CHD1L: variants seen among roughly 807,000 people sequenced by gnomAD.
CHD1L encodes chromodomain helicase DNA binding protein 1 like, also known as ATP-dependent chromatin remodeler CHD1L.
CHD1L carries 118 observed loss-of-function variants against 115.9 expected under a neutral mutation model. That is an observed-to-expected ratio of 1.02 (90% CI 0.88 to 1.19). The LOEUF is 1.19. CHD1L is among the 50% of genes most tolerant of loss of function. The probability of loss-of-function intolerance (pLI) is 0.00; values close to 1 mark genes in which losing one functional copy is unlikely to be tolerated. For synonymous variants in CHD1L, 411 were observed against 387.1 expected (o/e 1.06, Z -0.72); for missense variants, 1,179 against 1,065.3 (o/e 1.11, Z -1.49).
chr1:147,272,394 T>C (rs1553954083), intron 12 of CHD1L, 113 bp downstream of exon 12: 6 of 748,556 alleles, frequency 8.0e-6, no homozygotes, highest in African/African-American at 5.3e-5. Context: ...GAGGTTACTA[T>C]TGAATGTAAA....
At chr1:147,283,715 A>G (rs1553963406) in intron 15 of CHD1L, among the ~76,000 whole-genome samples, 1 of 152,186 alleles carries the variant, frequency 6.6e-6, no homozygotes, top group Non-Finnish European at 1.5e-5. Context: ...CCACCCTTCT[A>G]GAGACCCAAT....
At chr1:147,280,216 A>T (rs1680295979) in intron 15 of CHD1L, 25 bp downstream of exon 15, 1 of 1,537,706 alleles carries the variant, frequency 6.5e-7, no homozygotes, top group East Asian at 2.3e-5. Context: ...AGAGCAGAGC[A>T]AATGGCACAA....
At chr1:147,204,383 C>CT in the CHD1L span, 1 of 1,063,462 alleles carries the variant, frequency 9.4e-7, no homozygotes, top group Non-Finnish European at 1.5e-6. Context: ...CATGCCTGAA[C>CT]AATAAGCTTG....
intron 15 of CHD1L, 87 bp downstream of exon 15, chr1:147,280,278 C>A: frequency 7.4e-7 from 1 of 1,351,270 alleles, no homozygotes; most frequent in Non-Finnish European, 9.9e-7. Flanking sequence ...ATGCTGCTCT[C>A]TGGGGCATCT....
At chr1:147,241,762 C>T (rs1264614177), upstream of CHD1L, among the ~76,000 whole-genome samples, 3 of 152,124 alleles carry the variant, frequency 2.0e-5, no homozygotes, top group Admixed American at 1.3e-4. Flanking sequence ...ACAAATTTAA[C>T]ATGAGTTTAC....
chr1:147,186,274 C>T, the CHD1L span: 1 of 967,980 alleles, frequency 1.0e-6, no homozygotes, highest in Non-Finnish European at 1.2e-6. Context: ...AAAGTAATTT[C>T]TTTATTGAGA....
the CHD1L span, among the ~76,000 whole-genome samples, chr1:147,193,664 A>G: frequency 6.6e-6 from 1 of 152,094 alleles, no homozygotes; most frequent in South Asian, 2.1e-4. Context: ...ATTTCCCTCT[A>G]CACACTGCTT....
chr1:147,287,765 G>GTGGA, intron 19 of CHD1L, 32 bp downstream of exon 19: 1 of 1,584,876 alleles, frequency 6.3e-7, no homozygotes. Context: ...AAGGTTAAGG[G>GTGGA]TGGAATAAGA....
At chr1:147,284,584 T>G (rs1682314302) in intron 16 of CHD1L, 85 bp downstream of exon 16, 1 of 1,234,206 alleles carries the variant, frequency 8.1e-7, no homozygotes, top group South Asian at 1.7e-5. Context: ...CATCGTTTTG[T>G]TCTCTTAGGA....
At chr1:147,214,476 A>AG in the CHD1L span, among the ~76,000 whole-genome samples, 2 of 150,758 alleles carry the variant, frequency 1.3e-5, no homozygotes, top group South Asian at 2.1e-4. Flanking sequence ...CAAAAAAAAA[A>AG]AGAGAGACAA....
At chr1:147,275,880 T>C (rs587666920) in intron 13 of CHD1L, among the ~76,000 whole-genome samples, 1 of 152,266 alleles carries the variant, frequency 6.6e-6, no homozygotes, top group East Asian at 1.9e-4. Context: ...ATCCCAGTCA[T>C]GGTTACCCCA....
At chr1:147,179,480 T>A in the CHD1L span, 2 of 1,575,960 alleles carry the variant, frequency 1.3e-6, no homozygotes, top group Non-Finnish European at 1.7e-6. Flanking sequence ...TATACTTCTC[T>A]CCAGCCAACA....
intron 19 of CHD1L, among the ~76,000 whole-genome samples, chr1:147,288,319 T>G (rs1684065963): frequency 2.1e-4 from 1 of 4,736 alleles, no homozygotes; most frequent in African/African-American, 1.1e-3. Flanking sequence ...TGAGACCCTG[T>G]TTCAATAAAA....
chr1:147,268,367 T>C lies in CHD1L; in HGVS notation c.989-415T>C, dbSNP rs189021573. Among the ~76,000 whole-genome samples, 10 of 152,302 alleles carry C rather than the reference T, an allele frequency of 6.6e-5. No individual in the cohort carries two copies. The East Asian group carries it at 1.9e-3, about 29-fold the overall frequency. On this transcript the variant is annotated intron_variant, in intron 9 of 22. Coordinates refer to ENST00000369258, the MANE Select transcript of CHD1L (RefSeq NM_004284.6). ...TCATTTTAAGGGAATCTCTGCCAAATAGTGCTAAGAACTGTTTAAAGATTG... is the reference window on the plus strand; with the variant it reads ...TCATTTTAAGGGAATCTCTGCCAAACAGTGCTAAGAACTGTTTAAAGATTG...
chr1:147,274,523 T>G (rs72999646), intron 12 of CHD1L, among the ~76,000 whole-genome samples: 4 of 152,186 alleles, frequency 2.6e-5, no homozygotes, highest in Admixed American at 1.3e-4. Flanking sequence ...CTTGCTTGTT[T>G]CAGCAACCAG....
At position 147,294,274 on chromosome 1, in the gene CHD1L, T is replaced by C. The variant is rs1163167850; in HGVS notation, c.2507-135T>C. 5.9e-6 allele frequency: 3 copies of C among 505,222 alleles called. No homozygotes were observed. In the African/African-American group the frequency reaches 5.9e-5, roughly 10 times the overall value. 31.3% of individuals were successfully genotyped at this position (505,222 alleles called of 1,614,324 possible). On this transcript the variant is annotated intron_variant, in intron 21 of 22. Coordinates refer to ENST00000369258, the MANE Select transcript of CHD1L (RefSeq NM_004284.6). ...ATTTAATTTTTCTTACTACAATTCT[T>C]CCCCCGGAATATTTTTGACATTATA...
the CHD1L span, among the ~76,000 whole-genome samples, chr1:147,197,902 T>C: frequency 9.2e-5 from 14 of 152,138 alleles, no homozygotes; most frequent in Non-Finnish European, 1.6e-4. Context: ...ATATGTTATC[T>C]GAAGAATGTT....
At chr1:147,277,719 A>T (rs1553958831) in intron 14 of CHD1L, among the ~76,000 whole-genome samples, 3 of 152,188 alleles carry the variant, frequency 2.0e-5, no homozygotes, top group Non-Finnish European at 4.4e-5. Flanking sequence ...AGCTTGAGAG[A>T]GAGGTAGAGG....
intron 4 of CHD1L, 48 bp downstream of exon 4, chr1:147,255,975 G>A: frequency 7.7e-7 from 1 of 1,301,666 alleles, no homozygotes; most frequent in Non-Finnish European, 1.1e-6. Context: ...TGTGACCTTA[G>A]AAGTTGTAGA....
Sources: allele counts gnomAD v4.1 joint callset (sites outside exome capture counted in the v4.1 genomes callset), GRCh38; gene constraint gnomAD v4.1.1; transcripts MANE v1.5; gene names NCBI Gene and HGNC (gene_info 2026-07-23, HGNC 2026-07-21).